Variants in FBXO47 observed in about 807,000 individuals in gnomAD.
FBXO47 encodes the protein F-box only protein 47.
In FBXO47, 34 loss-of-function variants were observed where a neutral mutation model predicts 53.9. The observed-to-expected ratio is 0.63, with a 90% confidence interval of 0.48 to 0.84. The LOEUF is 0.84. Among genes scored for constraint, FBXO47 ranks in the 40% least tolerant of loss-of-function variants. The probability of loss-of-function intolerance (pLI) is 0.00; values close to 1 mark genes in which losing one functional copy is unlikely to be tolerated. For missense variants in FBXO47, 485 were observed against 541.3 expected (o/e 0.90, Z 1.03); for synonymous variants, 165 against 181.6 (o/e 0.91, Z 0.73).
rs1473215571 is a variant in FBXO47 at position 38,946,179 on chromosome 17, T to C, written c.617-1043A>G. On this transcript the variant is annotated intron_variant, in intron 6 of 10. Transcript: ENST00000378079. ...AAAAATATATAAATATATAAAAATA[T>C]ATATAAATATATAAAAATATATATA... 1.1e-4 allele frequency among the ~76,000 whole-genome samples: 12 copies of C among 113,934 alleles called. No homozygotes were observed. In the East Asian group the frequency reaches 3.0e-3, roughly 28 times the overall value. 74.7% of individuals were successfully genotyped at this position (113,934 alleles called of 152,430 possible).
At chr17:38,944,191 A>ATGTGTGTGTGTG (rs71141737) in intron 7 of FBXO47, among the ~76,000 whole-genome samples, 155 of 133,698 alleles carry the variant, frequency 1.2e-3, no homozygotes, top group Middle Eastern at 0.011. Context: ...CAAAAAAAAC[A>ATGTGTGTGTGTG]TGTGTGTGTG....
intron 2 of FBXO47, among the ~76,000 whole-genome samples, chr17:38,962,531 G>A (rs1303415513): frequency 1.1e-4 from 17 of 151,548 alleles, no homozygotes; most frequent in African/African-American, 3.4e-4. Flanking sequence ...GCTTGAACCC[G>A]GGAAGTGGAG....
intron 6 of FBXO47, among the ~76,000 whole-genome samples, chr17:38,950,437 G>A (rs1905215456): frequency 6.7e-6 from 1 of 149,640 alleles, no homozygotes; most frequent in Non-Finnish European, 1.5e-5. Flanking sequence ...AGGCTGGAGT[G>A]CAGTGACTGG....
At chr17:38,941,860 GAC>G (rs1311870132) in intron 9 of FBXO47, among the ~76,000 whole-genome samples, 1 of 151,132 alleles carries the variant, frequency 6.6e-6, no homozygotes, top group Admixed American at 6.6e-5. Context: ...TTTTTGTAGA[GAC>G]GGGTTTCGCC....
At chr17:38,963,133 G>T in intron 1 of FBXO47, 82 bp from the exon 2 acceptor site, 3 of 876,986 alleles carry the variant, frequency 3.4e-6, no homozygotes, top group South Asian at 3.4e-5. Flanking sequence ...AAACGAAGAG[G>T]TTGATAGTAC....
intron 6 of FBXO47, 122 bp downstream of exon 6, chr17:38,951,459 G>A (rs945256749): frequency 3.0e-6 from 2 of 656,792 alleles, no homozygotes; most frequent in Admixed American, 6.3e-5. Flanking sequence ...TTCCCAAAGT[G>A]CTGGGATTTT....
intron 7 of FBXO47, 111 bp downstream of exon 7, chr17:38,944,849 T>G: frequency 5.3e-6 from 2 of 375,080 alleles, no homozygotes; most frequent in Non-Finnish European, 8.7e-6. Context: ...CGTGCATGCA[T>G]GTGTGTGTGT....
chr17:38,943,754 C>T lies in FBXO47; in HGVS notation c.794-18G>A, dbSNP rs1476617186. On this transcript the variant is annotated intron_variant, in intron 7 of 10. Coordinates refer to ENST00000378079, the MANE Select transcript of FBXO47 (RefSeq NM_001008777.3). ...CACCTGTCCTGAATTGAAACAAAAA[C>T]GAGGCTATGACAGAATAGTTGGCTT... The T allele has an allele frequency of 4.4e-6, 7 of 1,593,994 alleles. No homozygotes were observed. The highest frequency in any genetic ancestry group is 1.4e-5 in the African/African-American group (1 of 73,484).
chr17:38,953,873 A>C (rs1905425739), intron 5 of FBXO47, among the ~76,000 whole-genome samples: 1 of 152,190 alleles, frequency 6.6e-6, no homozygotes, highest in Non-Finnish European at 1.5e-5. Flanking sequence ...TCTTGGAAGA[A>C]GACTAGTAGG....
At chr17:38,961,568 G>A (rs1005586586) in intron 3 of FBXO47, among the ~76,000 whole-genome samples, 5 of 152,188 alleles carry the variant, frequency 3.3e-5, no homozygotes, top group African/African-American at 1.2e-4. Flanking sequence ...AAACTCACTT[G>A]ATCCACAGGA....
chr17:38,952,175 A>C (rs1212631284), intron 5 of FBXO47, among the ~76,000 whole-genome samples: 1 of 151,998 alleles, frequency 6.6e-6, no homozygotes, highest in Non-Finnish European at 1.5e-5. Flanking sequence ...AAATACAAAA[A>C]ATTAGCTGGG....
intron 6 of FBXO47, among the ~76,000 whole-genome samples, chr17:38,946,074 T>TTATATATAAATACATAAATATA (rs1340365387): frequency 2.4e-4 from 29 of 122,488 alleles, no homozygotes; most frequent in African/African-American, 9.2e-4. Flanking sequence ...AAATATATAT[T>TTATATATAAATACATAAATATA]TATATATAAA....
intron 1 of FBXO47, among the ~76,000 whole-genome samples, chr17:38,965,418 C>A (rs1346968383): frequency 6.6e-6 from 1 of 152,156 alleles, no homozygotes; most frequent in South Asian, 2.1e-4. Context: ...TACATATCAA[C>A]TTACATCAAT....
intron 6 of FBXO47, among the ~76,000 whole-genome samples, chr17:38,946,350 A>AGATATATATAT (rs1491102758): frequency 8.0e-5 from 7 of 87,112 alleles, no homozygotes; most frequent in Non-Finnish European, 1.1e-4. Context: ...ATAAATATAT[A>AGATATATATAT]AATATATATA....
intron 6 of FBXO47, among the ~76,000 whole-genome samples, chr17:38,946,025 A>AT (rs1904757267): frequency 8.0e-6 from 1 of 124,710 alleles, no homozygotes; most frequent in African/African-American, 3.3e-5. Flanking sequence ...ATAAAAATAT[A>AT]AAAATATATA....
intron 5 of FBXO47, among the ~76,000 whole-genome samples, chr17:38,952,018 GCT>G (rs1268312618): frequency 6.6e-6 from 1 of 151,394 alleles, no homozygotes; most frequent in Admixed American, 6.6e-5. Context: ...CAAGAGCAAA[GCT>G]CTGTCACAAA....
rs546457983 is a variant in FBXO47 at position 38,936,525 on chromosome 17, C to T, written c.*650G>A. 1.3e-5 allele frequency: 2 copies of T among 152,002 alleles called. No homozygotes were observed. The highest frequency in any genetic ancestry group is 2.4e-5 in the African/African-American group (1 of 41,446). The allele number at this position is 152,002 out of a possible 1,614,324, so 9.4% of individuals were successfully genotyped here. ...TTGATTGCATTGAGACAATATATAC[C>T]TTCCTGTATGTATAGACCTTTTGTA... On this transcript the variant is annotated 3_prime_UTR_variant, in exon 11 of 11. Coordinates refer to ENST00000378079, the MANE Select transcript of FBXO47 (RefSeq NM_001008777.3).
In FBXO47 at chr17:38,945,147, A is replaced by G; in HGVS notation, c.617-11T>C. The G allele has an allele frequency of 1.3e-6, 2 of 1,588,946 alleles. No homozygotes were observed. The highest frequency in any genetic ancestry group is 2.2e-5 in the South Asian group (2 of 90,458). On this transcript the variant is annotated splice_polypyrimidine_tract_variant and intron_variant, in intron 6 of 10. Coordinates refer to ENST00000378079, the MANE Select transcript of FBXO47 (RefSeq NM_001008777.3). ...GTTTTTGGGCACTTCCTATGAAGAC[A>G]AAAGAATTGTAAATCATTCTTCGTA...
At chr17:38,958,346 A>AT (rs899452544) in intron 3 of FBXO47, among the ~76,000 whole-genome samples, 79 of 149,782 alleles carry the variant, frequency 5.3e-4, no homozygotes, top group Admixed American at 2.8e-3. Flanking sequence ...CAGAAGCTAG[A>AT]TTTTTTTTTT....
Sources: allele counts gnomAD v4.1 joint callset (sites outside exome capture counted in the v4.1 genomes callset), GRCh38; gene constraint gnomAD v4.1.1; transcripts MANE v1.5; gene names NCBI Gene and HGNC (gene_info 2026-07-23, HGNC 2026-07-21).